Variants in TMTC4 observed in about 807,000 individuals in gnomAD.
TMTC4 encodes the protein transmembrane O-mannosyltransferase targeting cadherins 4, also known as protein O-mannosyl-transferase TMTC4.
Under a neutral mutation model 86.0 loss-of-function variants are expected in TMTC4, and 65 were observed. The observed-to-expected ratio is 0.76, with a 90% CI of 0.62 to 0.93. TMTC4 has a LOEUF of 0.93. Ranked by LOEUF, TMTC4 falls within the 40% of genes least tolerant of loss-of-function variation. The pLI is 0.00. For missense variants in TMTC4, 866 were observed against 948.1 expected (o/e 0.91, Z 1.14); for synonymous variants, 379 against 382.5 (o/e 0.99, Z 0.11).
intron 17 of TMTC4, among the ~76,000 whole-genome samples, chr13:100,609,881 G>C (rs899721749): frequency 6.6e-6 from 1 of 152,250 alleles, no homozygotes; most frequent in South Asian, 2.1e-4. Flanking sequence ...GGGCTGCTCA[G>C]ATAGAATAAA....
At chr13:100,665,644 C>T (rs1265999165) in intron 3 of TMTC4, among the ~76,000 whole-genome samples, 1 of 152,248 alleles carries the variant, frequency 6.6e-6, no homozygotes, top group Non-Finnish European at 1.5e-5. Flanking sequence ...ATCAAATCAT[C>T]TTCTGAGCAC....
chr13:100,606,611 G>C (rs888993029), intron 17 of TMTC4, among the ~76,000 whole-genome samples, 184 bp from the exon 18 acceptor site: 3 of 152,214 alleles, frequency 2.0e-5, no homozygotes, highest in Admixed American at 1.3e-4. Flanking sequence ...ACAAGGAGCA[G>C]TGGGAGGGAG....
chr13:100,668,861 CGTGA>C (rs1283841507), intron 2 of TMTC4, 67 bp from the exon 3 acceptor site: 33 of 1,459,942 alleles, frequency 2.3e-5, no homozygotes, highest in Middle Eastern at 1.9e-4. Flanking sequence ...CAGTGGGCAC[CGTGA>C]GTAAGAGCTA....
rs1157844617 is a variant in TMTC4, at chr13:100,636,604, A to C, written c.1130T>G (p.Leu377Arg). ...AATTAGGCAGAACCAGAGTGCTGCA[A>C]GTGCAATTACCCTCCAGTCGCTGAT... The part of the protein sequence containing the change: ...KSISDWRVIA[L>R]AALWFCLIGL... Residue 377 changes from leucine to arginine, a missense_variant, in exon 10 of 19, where the codon CTT becomes CGT. Physicochemically the swap from Leu to Arg is moderately radical, Grantham distance 102 (BLOSUM62 -2). Transcript: ENST00000342624. The C allele has an allele frequency of 6.2e-6, 10 of 1,614,230 alleles. No individual in the cohort carries two copies. The highest frequency in any genetic ancestry group is 8.5e-6 in the Non-Finnish European group (10 of 1,180,038).
intron 5 of TMTC4, among the ~76,000 whole-genome samples, chr13:100,657,325 C>G (rs1185237566): frequency 1.3e-5 from 2 of 152,192 alleles, no homozygotes; most frequent in Non-Finnish European, 1.5e-5. Flanking sequence ...TCAGACCAAA[C>G]TGATTAAGTG....
At chr13:100,612,598 A>T in intron 16 of TMTC4, 88 bp from the exon 17 acceptor site, 6 of 857,452 alleles carry the variant, frequency 7.0e-6, no homozygotes, top group Non-Finnish European at 1.1e-5. Context: ...GTTTATGTGC[A>T]CAGCACATGA....
intron 15 of TMTC4, among the ~76,000 whole-genome samples, chr13:100,616,746 G>C (rs1269795571): frequency 6.6e-6 from 1 of 152,126 alleles, no homozygotes; most frequent in Admixed American, 6.6e-5. Flanking sequence ...TTGTGGTTTT[G>C]ATTTGCATTT....
intron 6 of TMTC4, among the ~76,000 whole-genome samples, chr13:100,643,169 G>A (rs948569439): frequency 2.0e-5 from 3 of 152,132 alleles, no homozygotes; most frequent in African/African-American, 7.2e-5. Context: ...TCTCCGTTGT[G>A]AAGTCCCCAC....
chr13:100,642,074 A>C, intron 7 of TMTC4, 137 bp downstream of exon 7: 1 of 774,974 alleles, frequency 1.3e-6, no homozygotes, highest in Non-Finnish European at 2.1e-6. Flanking sequence ...ATTTGTCCAG[A>C]AAGGTCTATC....
chr13:100,661,345 T>G (rs1885754285), intron 5 of TMTC4, among the ~76,000 whole-genome samples: 1 of 152,250 alleles, frequency 6.6e-6, no homozygotes, highest in Non-Finnish European at 1.5e-5. Context: ...CTGTTGGCAC[T>G]TGAAACCTTT....
chr13:100,630,019 CTGTGTGTATGTGTG>C (rs200262343), intron 12 of TMTC4, among the ~76,000 whole-genome samples: 28,180 of 146,736 alleles, frequency 0.19, 2,948 homozygotes, highest in Admixed American at 0.26. Context: ...GCCACCCAAT[CTGTGTGTATGTGTG>C]TGTGTGTGTG....
At chr13:100,644,095 G>A (rs890744217) in intron 6 of TMTC4, among the ~76,000 whole-genome samples, 1 of 149,288 alleles carries the variant, frequency 6.7e-6, no homozygotes, top group Non-Finnish European at 1.5e-5. Flanking sequence ...GGTGGGAGGC[G>A]CTCTTTTTTT....
At chr13:100,669,530 T>A (rs1449173580) in intron 2 of TMTC4, among the ~76,000 whole-genome samples, 1 of 152,194 alleles carries the variant, frequency 6.6e-6, no homozygotes, top group Non-Finnish European at 1.5e-5. Context: ...AGAGTCAAGA[T>A]AAAAATATAT....
chr13:100,664,191 C>T (rs1886133787), intron 4 of TMTC4, 30 bp downstream of exon 4: 1 of 1,565,268 alleles, frequency 6.4e-7, no homozygotes, highest in African/African-American at 1.4e-5. Flanking sequence ...TGGGAGGGAC[C>T]TTCCCAGGCC....
chr13:100,614,497 T>TAAAA, intron 15 of TMTC4, 67 bp from the exon 16 acceptor site: 9 of 768,388 alleles, frequency 1.2e-5, no homozygotes, highest in East Asian at 3.3e-5. Context: ...AAGACATTAT[T>TAAAA]AAAAAAAAAA....
chr13:100,653,629 G>C (rs1367220959), intron 6 of TMTC4, among the ~76,000 whole-genome samples: 1 of 152,196 alleles, frequency 6.6e-6, no homozygotes, highest in Non-Finnish European at 1.5e-5. Flanking sequence ...CTCCAGGCCT[G>C]TGATGGAATT....
intron 1 of TMTC4, chr13:100,673,252 G>A (rs759013971): frequency 5.3e-4 from 487 of 923,544 alleles, no homozygotes; most frequent in Non-Finnish European, 5.9e-4. Context: ...TGAACCATGA[G>A]GGCCCAATGA....
At chr13:100,664,142 C>A in intron 4 of TMTC4, 79 bp downstream of exon 4, 2 of 1,271,990 alleles carry the variant, frequency 1.6e-6, no homozygotes, top group Non-Finnish European at 2.1e-6. Flanking sequence ...ATGCTGAGAA[C>A]CTGGTGACAC....
chr13:100,670,054 A>C (rs147995302), intron 2 of TMTC4, among the ~76,000 whole-genome samples: 3,154 of 152,234 alleles, frequency 0.021, 52 homozygotes, highest in Non-Finnish European at 0.034. Flanking sequence ...AGAAGGCTGA[A>C]AGCAGAGGCA....
Sources: gnomAD v4.1 joint callset for allele counts (sites outside exome capture counted in the v4.1 genomes callset) on GRCh38, gnomAD v4.1.1 for gene constraint, MANE v1.5 for transcripts, NCBI Gene and HGNC (gene_info 2026-07-23, HGNC 2026-07-21) for gene names.